The following IMPG1 variants were observed in gnomAD, a reference collection of about 807,000 sequenced individuals.
IMPG1 encodes interphotoreceptor matrix proteoglycan 1.
Under a neutral mutation model 92.0 loss-of-function variants are expected in IMPG1, and 85 were observed. That is an observed-to-expected ratio of 0.92 (90% CI 0.78 to 1.11). IMPG1 has a LOEUF of 1.11. IMPG1 is among the 50% of genes least tolerant of loss of function. The pLI, the probability that IMPG1 is intolerant of heterozygous loss-of-function variation, is 0.00. For synonymous variants in IMPG1, 367 were observed against 334.1 expected (o/e 1.10, Z -1.08); for missense variants, 1,022 against 956.0 (o/e 1.07, Z -0.91).
chr6:76,055,559 A>G (rs1784107220), intron 1 of IMPG1, among the ~76,000 whole-genome samples: 1 of 151,850 alleles, frequency 6.6e-6, no homozygotes, highest in Non-Finnish European at 1.5e-5. Context: ...ACAGAGAGTA[A>G]TAAAATGTGA....
chr6:76,032,048 G>C (rs1386191001), intron 4 of IMPG1, among the ~76,000 whole-genome samples: 1 of 152,190 alleles, frequency 6.6e-6, no homozygotes, highest in African/African-American at 2.4e-5. Flanking sequence ...TCTTGGAAAG[G>C]TTTAAAGTAA....
intron 15 of IMPG1, among the ~76,000 whole-genome samples, chr6:75,929,433 C>T (rs1032030530): frequency 1.1e-4 from 17 of 150,782 alleles, no homozygotes; most frequent in Non-Finnish European, 2.4e-4. Context: ...GTTTGTCATT[C>T]TCAGCAAACT....
At position 76,018,853 on chromosome 6, in the gene IMPG1, T is replaced by A. The variant is rs755520360; in HGVS notation, c.672A>T (p.Arg224Ser). The A allele has an allele frequency of 2.5e-6, 4 of 1,577,728 alleles. No homozygotes were observed. The highest frequency in any genetic ancestry group is 3.4e-6 in the Non-Finnish European group (4 of 1,165,982). ...CCTCCAACACAGCGAATTCTGTTTC[T>A]CTTTCCTGAGTTTAAAAAAAAAAAA... ...LNDTKMPTTE[R>S]ETEFAVLEEQ... is the part of the protein sequence containing the mutation. Residue 224 changes from arginine (R) to serine (S), a missense_variant, in exon 7 of 17, where the codon AGA becomes AGT. By Grantham distance (110) the Arg-to-Ser change is moderately radical. Around this residue, in one of 3 missense-constraint regions of IMPG1, gnomAD observed 681 missense variants for 583.6 expected, o/e 1.17. Transcript: ENST00000369950.
At chr6:76,008,547 G>T (rs868788969) in intron 8 of IMPG1, among the ~76,000 whole-genome samples, 7 of 152,300 alleles carry the variant, frequency 4.6e-5, no homozygotes, top group Non-Finnish European at 8.8e-5. Context: ...AGGCAAGGAA[G>T]AATCTAACTA....
intron 4 of IMPG1, among the ~76,000 whole-genome samples, chr6:76,031,573 A>AT (rs1394363815): frequency 6.6e-6 from 1 of 152,014 alleles, no homozygotes; most frequent in Non-Finnish European, 1.5e-5. Flanking sequence ...TATTCTTGTT[A>AT]TTTTTTTCTG....
At chr6:75,955,670 C>A (rs541733341) in intron 12 of IMPG1, among the ~76,000 whole-genome samples, 1 of 152,188 alleles carries the variant, frequency 6.6e-6, no homozygotes, top group African/African-American at 2.4e-5. Context: ...GCATCCTCAT[C>A]TTGTGCCAGT....
At chr6:75,944,177 A>C (rs1317519535) in intron 14 of IMPG1, among the ~76,000 whole-genome samples, 1 of 152,216 alleles carries the variant, frequency 6.6e-6, no homozygotes, top group Non-Finnish European at 1.5e-5. Flanking sequence ...CCAGCTGTGC[A>C]TGAAGGAGCC....
intron 14 of IMPG1, among the ~76,000 whole-genome samples, chr6:75,935,672 A>C (rs1164033601): frequency 6.6e-6 from 1 of 152,218 alleles, no homozygotes; most frequent in Non-Finnish European, 1.5e-5. Flanking sequence ...AATCAATAGC[A>C]ATCTGCAGGA....
chr6:75,955,541 G>A (rs1350069796), intron 12 of IMPG1, among the ~76,000 whole-genome samples: 1 of 152,150 alleles, frequency 6.6e-6, no homozygotes, highest in Non-Finnish European at 1.5e-5. Context: ...CATGTTATCT[G>A]CAAACAGAGA....
At chr6:75,961,034 G>T (rs1390507345) in intron 12 of IMPG1, among the ~76,000 whole-genome samples, 1 of 152,202 alleles carries the variant, frequency 6.6e-6, no homozygotes, top group Non-Finnish European at 1.5e-5. Flanking sequence ...CAAAGTAGAT[G>T]AACTCAGGTC....
chr6:75,988,505 G>T (rs555135082), intron 12 of IMPG1, among the ~76,000 whole-genome samples: 1 of 152,132 alleles, frequency 6.6e-6, no homozygotes, highest in South Asian at 2.1e-4. Flanking sequence ...TAAGTTTTTT[G>T]TAGATTCTAG....
chr6:75,977,602 C>G (rs201708785), intron 12 of IMPG1, among the ~76,000 whole-genome samples: 9 of 141,300 alleles, frequency 6.4e-5, no homozygotes, highest in African/African-American at 2.1e-4. Context: ...AAAAAAAAAA[C>G]AAAAAAAAAC....
Position 75,988,534 on chromosome 6 carries a change from T to C in IMPG1, c.1291+14384A>G, listed in dbSNP as rs145171460. ...ATTCTAGATATTAGCCCTTTGGTGT[T>C]CTCACTCTTATTTCTATGGGATACC... On this transcript the variant is annotated intron_variant, in intron 12 of 16. Coordinates refer to ENST00000369950, the MANE Select transcript of IMPG1 (RefSeq NM_001563.4). Among the ~76,000 whole-genome samples, 3 of 152,306 alleles carry C rather than the reference T, an allele frequency of 2.0e-5. No homozygotes were observed. In the East Asian group the frequency reaches 5.8e-4, roughly 29 times the overall value.
chr6:76,062,941 C>T (rs764610449), intron 1 of IMPG1, among the ~76,000 whole-genome samples: 6 of 151,342 alleles, frequency 4.0e-5, no homozygotes, highest in Admixed American at 1.3e-4. Flanking sequence ...GGGTGGCTCA[C>T]GCCTGTAATC....
intron 1 of IMPG1, among the ~76,000 whole-genome samples, chr6:76,053,326 G>A (rs754512043): frequency 2.6e-5 from 4 of 152,140 alleles, no homozygotes; most frequent in Non-Finnish European, 5.9e-5. Flanking sequence ...GAAACCAAGG[G>A]GTTATGCCAG....
At chr6:76,039,402 A>C (rs142073708) in intron 2 of IMPG1, among the ~76,000 whole-genome samples, 1,888 of 144,526 alleles carry the variant, frequency 0.013, 41 homozygotes, top group African/African-American at 0.047. Flanking sequence ...GTTGCCCAGG[A>C]TGGAGTGCAG....
intron 12 of IMPG1, among the ~76,000 whole-genome samples, chr6:75,957,532 G>A (rs1782147748): frequency 6.6e-6 from 1 of 152,182 alleles, no homozygotes; most frequent in Non-Finnish European, 1.5e-5. Context: ...TTATTATTGT[G>A]TGGGAGTCTA....
At chr6:76,061,338 T>C (rs952092488) in intron 1 of IMPG1, among the ~76,000 whole-genome samples, 10 of 152,218 alleles carry the variant, frequency 6.6e-5, no homozygotes, top group Non-Finnish European at 1.5e-4. Context: ...GTCTGGGACC[T>C]TTGAATGACA....
At chr6:75,930,569 C>A (rs1166158927) in intron 15 of IMPG1, among the ~76,000 whole-genome samples, 1 of 152,082 alleles carries the variant, frequency 6.6e-6, no homozygotes, top group East Asian at 1.9e-4. Context: ...CAGGAAAAAT[C>A]AAATTTTATG....
Sources: gnomAD v4.1 joint callset for allele counts (sites outside exome capture counted in the v4.1 genomes callset) on GRCh38, gnomAD v4.1.1 for gene constraint, gnomAD v4.1.1 regional missense constraint, MANE v1.5 for transcripts, NCBI Gene and HGNC (gene_info 2026-07-23, HGNC 2026-07-21) for gene names.